SLC22A3: variants seen among roughly 807,000 people sequenced by gnomAD.
The protein encoded by SLC22A3 is EMT organic cation transporter 3.
In SLC22A3, 51 loss-of-function variants were observed where a neutral mutation model predicts 59.1. The ratio of observed to expected loss-of-function variants is 0.86; its 90% CI spans 0.69 to 1.09. SLC22A3 has a LOEUF of 1.09. SLC22A3 is among the 50% of genes least tolerant of loss of function. SLC22A3 has a pLI of 0.00. For missense variants in SLC22A3, 711 were observed against 726.3 expected, an observed-to-expected ratio of 0.98 and a Z score of 0.24; for synonymous variants, 325 against 292.0, an observed-to-expected ratio of 1.11 and a Z score of -1.15.
chr6:160,436,029 T>C (rs1046295021), intron 5 of SLC22A3, among the ~76,000 whole-genome samples: 6 of 152,170 alleles, frequency 3.9e-5, no homozygotes, highest in African/African-American at 1.4e-4. Context: ...TAGGAAAGGC[T>C]TCCCAGGGGA....
chr6:160,376,031 G>A, intron 1 of SLC22A3, among the ~76,000 whole-genome samples: 1 of 152,132 alleles, frequency 6.6e-6, no homozygotes, highest in Non-Finnish European at 1.5e-5. Context: ...TCTAAAGCCT[G>A]GCTCACAGAA....
At position 160,348,550 on chromosome 6, in the gene SLC22A3, C is replaced by T. The variant is rs8187715; in HGVS notation, c.131C>T (p.Thr44Met). The T allele has an allele frequency of 4.6e-5, 72 of 1,553,508 alleles. 2 individuals carry two copies. Among genetic ancestry groups the T allele is most frequent in the Admixed American group, 2.7e-4 (15 of 54,684 alleles). Residue 44 changes from threonine to methionine, a missense_variant, in exon 1 of 11, where the codon ACG becomes ATG. Physicochemically the swap from Thr to Met is moderately conservative, Grantham distance 81. Coordinates refer to ENST00000275300, the MANE Select transcript of SLC22A3 (RefSeq NM_021977.4). ...FLFVGVVFLG[T>M]QPDHYWCRGP... ...TTCGTCGGCGTGGTCTTCCTGGGCA[C>T]GCAGCCCGACCACTACTGGTGCCGC...
intron 1 of SLC22A3, among the ~76,000 whole-genome samples, chr6:160,350,649 T>C (rs558510763): frequency 1.3e-5 from 2 of 152,334 alleles, no homozygotes; most frequent in Admixed American, 1.3e-4. Context: ...CCTCAACAAG[T>C]GCTCAAGCGA....
intron 1 of SLC22A3, among the ~76,000 whole-genome samples, chr6:160,393,058 A>C (rs1042841852): frequency 6.6e-6 from 1 of 152,034 alleles, no homozygotes; most frequent in Admixed American, 6.6e-5. Context: ...CCTTTCTCCT[A>C]GAACAATGCA....
intron 5 of SLC22A3, among the ~76,000 whole-genome samples, chr6:160,425,090 G>A (rs1787898359): frequency 6.6e-6 from 1 of 152,192 alleles, no homozygotes; most frequent in Admixed American, 6.5e-5. Flanking sequence ...TCAACTTCAT[G>A]TAGGGTTGCT....
At chr6:160,423,505 CTTA>C (rs144417536) in intron 5 of SLC22A3, among the ~76,000 whole-genome samples, 151,532 of 152,290 alleles carry the variant, frequency 1, 75,390 homozygotes, top group Middle Eastern at 1. Context: ...TGTTTCCTGA[CTTA>C]TTTTTAATGA....
At chr6:160,390,490 T>C (rs553916218) in intron 1 of SLC22A3, among the ~76,000 whole-genome samples, 4 of 152,190 alleles carry the variant, frequency 2.6e-5, no homozygotes, top group African/African-American at 9.6e-5. Flanking sequence ...TGAGAGACAG[T>C]CCCATCATGG....
intron 5 of SLC22A3, among the ~76,000 whole-genome samples, 154 bp from the exon 6 acceptor site, chr6:160,436,626 G>C (rs952536692): frequency 6.6e-6 from 1 of 152,158 alleles, no homozygotes; most frequent in African/African-American, 2.4e-5. Context: ...CTAAATGCAA[G>C]AGCAGAAGTG....
intron 1 of SLC22A3, among the ~76,000 whole-genome samples, chr6:160,391,043 G>A (rs1452598513): frequency 6.6e-6 from 1 of 152,110 alleles, no homozygotes. Context: ...CTGTGTCTCT[G>A]TTTTCTCTTC....
chr6:160,408,904 C>T lies in SLC22A3; in HGVS notation c.840C>T (p.Leu280=), dbSNP rs774788007. Residue 280 remains leucine, a synonymous_variant, in exon 4 of 11, where the codon CTC becomes CTT. Coordinates refer to ENST00000275300, the MANE Select transcript of SLC22A3 (RefSeq NM_021977.4). ...IQLAITLPSF[L]FLLYYWVVPE... ...TAGCCATCACGCTGCCCAGCTTTCTCTTCCTCCTTTATTACTGGTAATGTG... is the reference window on the plus strand; with the variant it reads ...TAGCCATCACGCTGCCCAGCTTTCTTTTCCTCCTTTATTACTGGTAATGTG... The T allele has an allele frequency of 5.6e-6, 9 of 1,613,490 alleles. 1 individual carries two copies. In the South Asian group the frequency reaches 9.9e-5, roughly 18 times the overall value.
intron 1 of SLC22A3, among the ~76,000 whole-genome samples, chr6:160,387,972 C>T (rs907590426): frequency 4.6e-5 from 7 of 152,180 alleles, no homozygotes; most frequent in African/African-American, 1.7e-4. Flanking sequence ...CTCAGTCCCA[C>T]AGCCACAAGG....
intron 10 of SLC22A3, among the ~76,000 whole-genome samples, chr6:160,448,683 CTAAT>C (rs946062549): frequency 6.8e-6 from 1 of 146,370 alleles, no homozygotes; most frequent in African/African-American, 2.4e-5. Flanking sequence ...CAAATTCTTT[CTAAT>C]TGTTTGAAAT....
chr6:160,449,372 T>C (rs1353957137), intron 10 of SLC22A3, among the ~76,000 whole-genome samples: 1 of 152,132 alleles, frequency 6.6e-6, no homozygotes, highest in Non-Finnish European at 1.5e-5. Flanking sequence ...TTTTTTTCTG[T>C]TTATAATTTT....
chr6:160,400,521 T>C (rs886389874), intron 2 of SLC22A3, among the ~76,000 whole-genome samples: 1 of 152,060 alleles, frequency 6.6e-6, no homozygotes, highest in Non-Finnish European at 1.5e-5. Flanking sequence ...GAGCTACTCA[T>C]AGAACCACAG....
intron 1 of SLC22A3, among the ~76,000 whole-genome samples, chr6:160,366,759 A>G (rs577606319): frequency 6.4e-4 from 98 of 152,134 alleles, no homozygotes; most frequent in African/African-American, 2.2e-3. Context: ...TCCTCTGCCA[A>G]CCCCCGGGAC....
chr6:160,374,412 C>T (rs553566344), intron 1 of SLC22A3, among the ~76,000 whole-genome samples: 1 of 152,204 alleles, frequency 6.6e-6, no homozygotes, highest in African/African-American at 2.4e-5. Flanking sequence ...CTTCTGCATC[C>T]ACCTCGCCGG....
At chr6:160,389,766 G>A (rs961481634) in intron 1 of SLC22A3, among the ~76,000 whole-genome samples, 3 of 152,202 alleles carry the variant, frequency 2.0e-5, no homozygotes, top group Non-Finnish European at 4.4e-5. Context: ...CCCTGGTAGT[G>A]CCAGGTTTAT....
chr6:160,425,223 A>T (rs866340475), intron 5 of SLC22A3, among the ~76,000 whole-genome samples: 2 of 152,322 alleles, frequency 1.3e-5, no homozygotes, highest in Middle Eastern at 3.4e-3. Flanking sequence ...ACATTTTTTC[A>T]CATTAAAAAC....
At position 160,410,801 on chromosome 6, in the gene SLC22A3, C is replaced by T. The variant is rs779528177; in HGVS notation, c.930C>T (p.Arg310=). The change falls in exon 5 of 11, where the codon CGC becomes CGT. Residue 310 remains arginine (R), a synonymous_variant. Coordinates refer to ENST00000275300, the MANE Select transcript of SLC22A3 (RefSeq NM_021977.4). ...KGDKALQILR[R]IAKCNGKYLS... is the part of the protein sequence containing the mutation. ...ATAAAGCATTACAGATCCTGAGACG[C>T]ATTGCTAAGTGCAATGGGAAATACC... 3 of 1,613,060 alleles carry T rather than the reference C, an allele frequency of 1.9e-6. No homozygotes were observed. Among genetic ancestry groups the T allele is most frequent in the Admixed American group, 3.3e-5 (2 of 59,950 alleles).
Sources: gnomAD v4.1 joint callset for allele counts (sites outside exome capture counted in the v4.1 genomes callset) on GRCh38, gnomAD v4.1.1 for gene constraint, MANE v1.5 for transcripts, NCBI Gene and HGNC (gene_info 2026-07-23, HGNC 2026-07-21) for gene names.